RGS6: variants seen among roughly 807,000 people sequenced by gnomAD.
RGS6 encodes regulator of G-protein signaling 6.
Under a neutral mutation model 78.5 loss-of-function variants are expected in RGS6, and 30 were observed. The observed-to-expected ratio is 0.38, with a 90% confidence interval of 0.29 to 0.52. RGS6 has a LOEUF of 0.52. Ranked by LOEUF, RGS6 falls within the 20% of genes least tolerant of loss-of-function variation. RGS6 has a pLI of 0.85. For synonymous variants in RGS6, 206 were observed against 206.0 expected, an observed-to-expected ratio of 1.00 and a Z score of 0.00; for missense variants, 495 against 609.7, an observed-to-expected ratio of 0.81 and a Z score of 1.98.
At chr14:72,304,272 T>C (rs1477621511) in intron 2 of RGS6, among the ~76,000 whole-genome samples, 1 of 152,174 alleles carries the variant, frequency 6.6e-6, no homozygotes, top group Non-Finnish European at 1.5e-5. Flanking sequence ...TGTCTGACCT[T>C]CTCATATTAT....
the RGS6 span, among the ~76,000 whole-genome samples, chr14:71,907,027 C>T: frequency 6.6e-6 from 1 of 152,168 alleles, no homozygotes; most frequent in Non-Finnish European, 1.5e-5. Context: ...AAAAGGGAGG[C>T]TTGGGTTCAC....
chr14:72,160,577 T>C (rs1168341732), intron 2 of RGS6, among the ~76,000 whole-genome samples: 4 of 152,214 alleles, frequency 2.6e-5, no homozygotes, highest in Admixed American at 6.5e-5. Flanking sequence ...TATTTGGAGA[T>C]ACAGTCTTTC....
At chr14:72,078,269 T>A (rs1302550911) in intron 2 of RGS6, among the ~76,000 whole-genome samples, 2 of 152,106 alleles carry the variant, frequency 1.3e-5, no homozygotes, top group Non-Finnish European at 2.9e-5. Flanking sequence ...CCCTTTGTCT[T>A]TTGCCATAAT....
At chr14:72,177,478 G>A (rs1018973515) in intron 2 of RGS6, among the ~76,000 whole-genome samples, 2 of 152,090 alleles carry the variant, frequency 1.3e-5, no homozygotes, top group Non-Finnish European at 2.9e-5. Flanking sequence ...CAGAGACTAG[G>A]GAAGACTCAT....
chr14:72,112,353 T>C (rs1337983462), intron 2 of RGS6, among the ~76,000 whole-genome samples: 2 of 152,066 alleles, frequency 1.3e-5, no homozygotes, highest in Non-Finnish European at 2.9e-5. Flanking sequence ...GCTGCTAAGG[T>C]TTTAGGGGCA....
intron 12 of RGS6, among the ~76,000 whole-genome samples, chr14:72,488,687 G>C (rs1164516862): frequency 1.3e-5 from 2 of 152,208 alleles, no homozygotes; most frequent in Middle Eastern, 3.2e-3. Context: ...GGAGCCTGCA[G>C]GCTCCTCTTG....
chr14:71,961,787 C>G (rs1372177451), intron 1 of RGS6, among the ~76,000 whole-genome samples: 1 of 151,978 alleles, frequency 6.6e-6, no homozygotes, highest in Non-Finnish European at 1.5e-5. Flanking sequence ...TATTGAAGCC[C>G]CTGGGTTGTT....
intron 2 of RGS6, among the ~76,000 whole-genome samples, chr14:71,969,269 C>A (rs1377332174): frequency 4.6e-5 from 7 of 152,116 alleles, no homozygotes; most frequent in African/African-American, 1.2e-4. Flanking sequence ...TCATTCTACT[C>A]ATTGGTGCTT....
chr14:72,004,624 A>G (rs1394522654), intron 2 of RGS6, among the ~76,000 whole-genome samples: 1 of 152,158 alleles, frequency 6.6e-6, no homozygotes, highest in African/African-American at 2.4e-5. Flanking sequence ...TCTTGAGCTC[A>G]GGAGTTCAAG....
chr14:72,047,786 G>A (rs576199650), intron 2 of RGS6, among the ~76,000 whole-genome samples: 1 of 151,738 alleles, frequency 6.6e-6, no homozygotes, highest in African/African-American at 2.4e-5. Flanking sequence ...GGACTGCAAT[G>A]GCGCGCTCAG....
intron 2 of RGS6, among the ~76,000 whole-genome samples, chr14:72,332,612 T>C (rs2075290366): frequency 6.6e-6 from 1 of 152,128 alleles, no homozygotes; most frequent in Non-Finnish European, 1.5e-5. Flanking sequence ...TGTACCCTGG[T>C]GCAGGGAACG....
At chr14:72,321,304 T>TA (rs1223498763) in intron 2 of RGS6, among the ~76,000 whole-genome samples, 2 of 151,716 alleles carry the variant, frequency 1.3e-5, no homozygotes, top group Non-Finnish European at 2.9e-5. Context: ...AAGATTTTTT[T>TA]AAAAAAGCAA....
chr14:72,475,828 A>ACGCACACACACACACACACACG (rs2096228589), intron 10 of RGS6, among the ~76,000 whole-genome samples: 1 of 140,158 alleles, frequency 7.1e-6, no homozygotes, highest in African/African-American at 2.7e-5. Flanking sequence ...AAAAAAATAC[A>ACGCACACACACACACACACACG]CGCACACACA....
At chr14:71,927,827 T>G, upstream of RGS6, among the ~76,000 whole-genome samples, 1 of 151,526 alleles carries the variant, frequency 6.6e-6, no homozygotes, top group East Asian at 1.9e-4. Flanking sequence ...CCGGCTAATT[T>G]TTTTGTATTT....
At chr14:72,407,897 C>A (rs2093065587) in intron 3 of RGS6, among the ~76,000 whole-genome samples, 1 of 152,084 alleles carries the variant, frequency 6.6e-6, no homozygotes, top group Non-Finnish European at 1.5e-5. Context: ...GGAGGTAGAC[C>A]AAACTATGAG....
At chr14:71,911,596 G>A in the RGS6 span, among the ~76,000 whole-genome samples, 1 of 152,348 alleles carries the variant, frequency 6.6e-6, no homozygotes, top group East Asian at 1.9e-4. Context: ...CATTAGAACT[G>A]AGGGAAAGGT....
the RGS6 span, among the ~76,000 whole-genome samples, chr14:71,912,804 G>A: frequency 6.6e-6 from 1 of 152,012 alleles, no homozygotes; most frequent in Non-Finnish European, 1.5e-5. Context: ...AACTGTCTCT[G>A]GTTCTACAGT....
At chr14:72,394,838 T>C (rs2090818225) in intron 3 of RGS6, among the ~76,000 whole-genome samples, 3 of 152,168 alleles carry the variant, frequency 2.0e-5, no homozygotes, top group Admixed American at 1.3e-4. Context: ...AGAATATTGA[T>C]TGGGGAAGTG....
chr14:72,346,885 C>T (rs566917918), intron 2 of RGS6, among the ~76,000 whole-genome samples: 2 of 152,268 alleles, frequency 1.3e-5, no homozygotes, highest in Admixed American at 1.3e-4. Context: ...TTGTGTCTAT[C>T]TTTTTATATT....
Sources: allele counts gnomAD v4.1 joint callset (sites outside exome capture counted in the v4.1 genomes callset), GRCh38; gene constraint gnomAD v4.1.1; transcripts MANE v1.5; gene names NCBI Gene and HGNC (gene_info 2026-07-23, HGNC 2026-07-21).